Variants in MAF observed in about 807,000 individuals in gnomAD.
MAF encodes the protein transcription factor Maf.
MAF carries 10 observed loss-of-function variants against 22.0 expected under a neutral mutation model. That is an observed-to-expected ratio of 0.45 (90% confidence interval 0.28 to 0.77). MAF has a LOEUF of 0.77. Ranked by LOEUF, MAF falls within the 30% of genes least tolerant of loss-of-function variation. The pLI is 0.12. For synonymous variants in MAF, 337 were observed against 255.8 expected (o/e 1.32, Z -3.03); for missense variants, 544 against 548.4 (o/e 0.99, Z 0.08).
chr16:79,426,430 C>A, the MAF span, among the ~76,000 whole-genome samples: 1 of 152,082 alleles, frequency 6.6e-6, no homozygotes, highest in Admixed American at 6.5e-5. Flanking sequence ...GCTAATAGAA[C>A]TGTGACAATT....
At chr16:79,415,423 A>T in the MAF span, among the ~76,000 whole-genome samples, 1 of 151,542 alleles carries the variant, frequency 6.6e-6, no homozygotes, top group Non-Finnish European at 1.5e-5. Context: ...GGAGGGAAGG[A>T]AAATTGTTGG....
At chr16:79,526,889 T>C in the MAF span, among the ~76,000 whole-genome samples, 1 of 152,254 alleles carries the variant, frequency 6.6e-6, no homozygotes, top group East Asian at 1.9e-4. Context: ...AACTGTCTTC[T>C]ACTTTTATAA....
downstream of MAF, among the ~76,000 whole-genome samples, chr16:79,583,186 C>A (rs186898980): frequency 6.6e-6 from 1 of 152,284 alleles, no homozygotes; most frequent in East Asian, 1.9e-4. Flanking sequence ...GAAGGACAGG[C>A]GTGCAAGATA....
the MAF span, among the ~76,000 whole-genome samples, chr16:79,281,831 A>T: frequency 6.6e-6 from 1 of 151,958 alleles, no homozygotes; most frequent in East Asian, 1.9e-4. Context: ...AATCCATTAC[A>T]ATCCTTTACG....
chr16:79,484,362 C>A, the MAF span, among the ~76,000 whole-genome samples: 1 of 152,186 alleles, frequency 6.6e-6, no homozygotes, highest in Non-Finnish European at 1.5e-5. Context: ...CCAGAGGGCT[C>A]AAGTGACCCA....
At chr16:79,273,504 G>C in the MAF span, among the ~76,000 whole-genome samples, 2 of 152,160 alleles carry the variant, frequency 1.3e-5, no homozygotes, top group Admixed American at 1.3e-4. Flanking sequence ...AGGTCTCACT[G>C]GGCTAAAATC....
chr16:79,262,001 A>C, the MAF span, among the ~76,000 whole-genome samples: 1 of 152,254 alleles, frequency 6.6e-6, no homozygotes, highest in East Asian at 1.9e-4. Flanking sequence ...AACATCATGC[A>C]CAATCCTAGG....
At chr16:79,444,663 G>A in the MAF span, among the ~76,000 whole-genome samples, 1 of 152,226 alleles carries the variant, frequency 6.6e-6, no homozygotes, top group African/African-American at 2.4e-5. Context: ...GAAATGCTGA[G>A]ACAGAGGCCT....
chr16:79,277,282 G>A, the MAF span, among the ~76,000 whole-genome samples: 2 of 152,248 alleles, frequency 1.3e-5, no homozygotes, highest in South Asian at 4.1e-4. Flanking sequence ...CGCATACAGG[G>A]GTACCAGGAG....
the MAF span, among the ~76,000 whole-genome samples, chr16:79,376,270 C>T: frequency 6.6e-6 from 1 of 152,096 alleles, no homozygotes; most frequent in Non-Finnish European, 1.5e-5. Flanking sequence ...TATTGTTACA[C>T]AAAAATAGGT....
At chr16:79,565,422 T>A in the MAF span, among the ~76,000 whole-genome samples, 1 of 151,980 alleles carries the variant, frequency 6.6e-6, no homozygotes, top group African/African-American at 2.4e-5. Context: ...CTCCCTTACC[T>A]CCCTTTCACT....
the MAF span, among the ~76,000 whole-genome samples, chr16:79,479,180 G>A: frequency 2.0e-5 from 3 of 151,980 alleles, no homozygotes; most frequent in South Asian, 2.1e-4. Flanking sequence ...TAATGTGCTC[G>A]TGCACCACCC....
At chr16:79,571,175 G>A in the MAF span, among the ~76,000 whole-genome samples, 1 of 151,938 alleles carries the variant, frequency 6.6e-6, no homozygotes, top group African/African-American at 2.4e-5. Context: ...TTTCCTTAGA[G>A]AGAAGTACAT....
the MAF span, among the ~76,000 whole-genome samples, chr16:79,246,603 A>G: frequency 6.6e-6 from 1 of 152,032 alleles, no homozygotes; most frequent in Admixed American, 6.6e-5. Context: ...GAAAAGAGAA[A>G]AAAGGAGTAG....
chr16:79,238,525 G>A, the MAF span, among the ~76,000 whole-genome samples: 6 of 151,988 alleles, frequency 3.9e-5, no homozygotes, highest in Non-Finnish European at 8.8e-5. Context: ...TAGTGCTGTT[G>A]TTGCCAGACT....
downstream of MAF, among the ~76,000 whole-genome samples, chr16:79,593,516 A>G (rs1419628743): frequency 6.6e-6 from 1 of 152,172 alleles, no homozygotes; most frequent in Non-Finnish European, 1.5e-5. Flanking sequence ...AAGGGAGAAA[A>G]GATCAGAGCG....
the MAF span, among the ~76,000 whole-genome samples, chr16:79,430,582 G>A: frequency 6.6e-6 from 1 of 152,202 alleles, no homozygotes; most frequent in Non-Finnish European, 1.5e-5. Flanking sequence ...CAGGCACAGA[G>A]CACATTTGCA....
At chr16:79,384,860 G>A in the MAF span, among the ~76,000 whole-genome samples, 1 of 152,236 alleles carries the variant, frequency 6.6e-6, no homozygotes, top group East Asian at 1.9e-4. Flanking sequence ...GGGTTGACCA[G>A]TTGTTCGTCA....
chr16:79,320,451 T>A, the MAF span, among the ~76,000 whole-genome samples: 6 of 152,176 alleles, frequency 3.9e-5, no homozygotes, highest in Admixed American at 3.3e-4. Flanking sequence ...GGTCAGCCCA[T>A]GAGTTCAGTG....
Sources: allele counts gnomAD v4.1 joint callset (sites outside exome capture counted in the v4.1 genomes callset), GRCh38; gene constraint gnomAD v4.1.1; transcripts MANE v1.5; gene names NCBI Gene and HGNC (gene_info 2026-07-23, HGNC 2026-07-21).